The following NBAS variants were observed in gnomAD, a reference collection of about 807,000 sequenced individuals.
NBAS encodes the protein NAG/BC035112 fusion.
In NBAS, 219 loss-of-function variants were observed where a neutral mutation model predicts 302.5. The ratio of observed to expected loss-of-function variants is 0.72; its 90% confidence interval spans 0.65 to 0.81. NBAS has a LOEUF of 0.81. Among genes scored for constraint, NBAS ranks in the 30% least tolerant of loss-of-function variants. NBAS has a pLI of 0.00. For synonymous variants in NBAS, 1,118 were observed against 1,021.6 expected, an observed-to-expected ratio of 1.09 and a Z score of -1.80; for missense variants, 2,932 against 2,841.6, an observed-to-expected ratio of 1.03 and a Z score of -0.72.
At chr2:15,360,248 C>G (rs1436205438) in intron 32 of NBAS, among the ~76,000 whole-genome samples, 1 of 150,722 alleles carries the variant, frequency 6.6e-6, no homozygotes, top group Non-Finnish European at 1.5e-5. Context: ...ATTATAAACA[C>G]TCTACACTGA....
the NBAS span, among the ~76,000 whole-genome samples, chr2:14,947,385 G>A: frequency 2.6e-5 from 4 of 152,020 alleles, no homozygotes; most frequent in Non-Finnish European, 4.4e-5. Context: ...GCTATCAGGA[G>A]TAACCATATG....
At chr2:15,093,365 G>A in the NBAS span, among the ~76,000 whole-genome samples, 8 of 152,050 alleles carry the variant, frequency 5.3e-5, no homozygotes, top group African/African-American at 1.9e-4. Context: ...GCAGTGAGCC[G>A]AGATCATGCC....
At chr2:15,121,032 C>T in the NBAS span, among the ~76,000 whole-genome samples, 19 of 152,098 alleles carry the variant, frequency 1.2e-4, no homozygotes, top group African/African-American at 2.2e-4. Flanking sequence ...TTTCACTCAG[C>T]CAATAGTTTT....
At chr2:15,382,103 A>AAT (rs3085585) in intron 29 of NBAS, among the ~76,000 whole-genome samples, 1 of 151,682 alleles carries the variant, frequency 6.6e-6, no homozygotes, top group Non-Finnish European at 1.5e-5. Context: ...CACAAACGGA[A>AAT]ATATATATAT....
chr2:15,403,874 T>TGC (rs2148433629), intron 25 of NBAS, among the ~76,000 whole-genome samples: 1 of 147,016 alleles, frequency 6.8e-6, no homozygotes, highest in East Asian at 2.2e-4. Flanking sequence ...CGTGTGTGTG[T>TGC]GTGTGTGTGT....
intron 9 of NBAS, among the ~76,000 whole-genome samples, chr2:15,522,325 C>G (rs1332539676): frequency 2.0e-5 from 3 of 152,078 alleles, no homozygotes; most frequent in African/African-American, 7.2e-5. Context: ...GCTTGAAGAT[C>G]ATGAGTTGAG....
At chr2:15,164,930 C>T (rs7586087), downstream of NBAS, among the ~76,000 whole-genome samples, 16,967 of 152,196 alleles carry the variant, frequency 0.11, 1,207 homozygotes, top group Non-Finnish European at 0.15. Flanking sequence ...AGGAGAGAAT[C>T]CCTTCCTCAT....
At chr2:15,527,661 T>C (rs1353286728) in intron 9 of NBAS, among the ~76,000 whole-genome samples, 2 of 152,170 alleles carry the variant, frequency 1.3e-5, no homozygotes, top group East Asian at 3.8e-4. Flanking sequence ...CATGTCTTAA[T>C]GCCGTCGCAT....
the NBAS span, among the ~76,000 whole-genome samples, chr2:15,160,119 T>G: frequency 1.3e-5 from 2 of 152,198 alleles, no homozygotes; most frequent in South Asian, 2.1e-4. Flanking sequence ...GTTCAAGGGC[T>G]TTAAGTTGGG....
chr2:15,317,642 T>C (rs1426360327), intron 38 of NBAS, among the ~76,000 whole-genome samples: 1 of 150,532 alleles, frequency 6.6e-6, no homozygotes, highest in Non-Finnish European at 1.5e-5. Context: ...AGTGGAAGAG[T>C]ATCAGTGATT....
the NBAS span, among the ~76,000 whole-genome samples, chr2:14,816,778 A>C: frequency 6.6e-6 from 1 of 152,194 alleles, no homozygotes; most frequent in Non-Finnish European, 1.5e-5. Context: ...TTTGGGAGGA[A>C]AGATCATGTT....
intron 47 of NBAS, among the ~76,000 whole-genome samples, chr2:15,220,041 C>G (rs1282866576): frequency 6.8e-6 from 1 of 146,454 alleles, no homozygotes; most frequent in Admixed American, 6.8e-5. Flanking sequence ...CTGATCCCCC[C>G]ACCTCCCTCC....
At chr2:15,246,566 C>T (rs147201213) in intron 44 of NBAS, among the ~76,000 whole-genome samples, 6 of 152,306 alleles carry the variant, frequency 3.9e-5, no homozygotes, top group Non-Finnish European at 8.8e-5. Context: ...TCCAAAATTA[C>T]CCAGTTACTC....
At chr2:15,320,565 T>A (rs1232965447) in intron 38 of NBAS, among the ~76,000 whole-genome samples, 1 of 152,026 alleles carries the variant, frequency 6.6e-6, no homozygotes, top group African/African-American at 2.4e-5. Context: ...GGATACAAAA[T>A]CAAGGTGCAA....
chr2:14,880,378 T>C, the NBAS span, among the ~76,000 whole-genome samples: 1 of 151,722 alleles, frequency 6.6e-6, no homozygotes, highest in African/African-American at 2.4e-5. Context: ...CAATTCCACA[T>C]AAAATAAAGG....
Position 15,243,458 on chromosome 2 carries a change from G to A in NBAS, c.5725-4772C>T, listed in dbSNP as rs190704571. Among the ~76,000 whole-genome samples the A allele has an allele frequency of 7.3e-4, 111 of 151,962 alleles. 1 individual carries two copies. The highest frequency in any genetic ancestry group is 4.4e-3 in the Admixed American group (67 of 15,228). ...ACAGGCCCCTTTGCAGTCTTTTATC[G>A]GATTAGGTGCATGAGAGACTATCTA... On this transcript the variant is annotated intron_variant, in intron 44 of 51. Coordinates refer to ENST00000281513, the MANE Select transcript of NBAS (RefSeq NM_015909.4).
At chr2:14,864,977 G>A in the NBAS span, among the ~76,000 whole-genome samples, 2 of 152,206 alleles carry the variant, frequency 1.3e-5, no homozygotes, top group Non-Finnish European at 2.9e-5. Context: ...AGACCCCTTA[G>A]TCTCCTACTA....
At chr2:14,782,562 G>A in the NBAS span, among the ~76,000 whole-genome samples, 1 of 152,012 alleles carries the variant, frequency 6.6e-6, no homozygotes, top group East Asian at 1.9e-4. Context: ...TCCCCAAAGA[G>A]CTAAAAACAG....
chr2:15,406,135 GA>G (rs1676405642), intron 25 of NBAS, among the ~76,000 whole-genome samples: 1 of 143,158 alleles, frequency 7.0e-6, no homozygotes, highest in Non-Finnish European at 1.5e-5. Flanking sequence ...AAAACATGAG[GA>G]AAAAAACCCA....
Sources: allele counts gnomAD v4.1 joint callset (sites outside exome capture counted in the v4.1 genomes callset), GRCh38; gene constraint gnomAD v4.1.1; transcripts MANE v1.5; gene names NCBI Gene and HGNC (gene_info 2026-07-23, HGNC 2026-07-21).